The following OR6N1 variants were observed in gnomAD, a reference collection of about 807,000 sequenced individuals.
OR6N1 encodes the protein olfactory receptor family 6 subfamily N member 1, also known as olfactory receptor 6N1.
For missense variants in OR6N1, 394 were observed against 371.7 expected, an observed-to-expected ratio of 1.06 and a Z score of -0.49; for synonymous variants, 170 against 150.7, an observed-to-expected ratio of 1.13 and a Z score of -0.94.
At chr1:158,769,455 T>A (rs539178685) in intron 1 of OR6N1, among the ~76,000 whole-genome samples, 5 of 152,190 alleles carry the variant, frequency 3.3e-5, no homozygotes, top group African/African-American at 4.8e-5. Context: ...TAAGTCACCA[T>A]GCTTTGCCAG....
At chr1:158,838,581 A>G in the OR6N1 span, among the ~76,000 whole-genome samples, 1 of 152,092 alleles carries the variant, frequency 6.6e-6, no homozygotes, top group African/African-American at 2.4e-5. Flanking sequence ...TGAGTTTATC[A>G]TAGTTGCAGC....
chr1:158,790,436 T>C, the OR6N1 span, among the ~76,000 whole-genome samples: 1 of 148,930 alleles, frequency 6.7e-6, no homozygotes, highest in South Asian at 2.2e-4. Context: ...CATCTCGCTC[T>C]GTCACCCAGG....
chr1:158,796,773 T>C, the OR6N1 span, among the ~76,000 whole-genome samples: 2 of 152,318 alleles, frequency 1.3e-5, no homozygotes, highest in East Asian at 1.9e-4. Flanking sequence ...TGTTTGTGTA[T>C]GTACATTTGT....
At chr1:158,771,660 G>C (rs994129922) in intron 1 of OR6N1, among the ~76,000 whole-genome samples, 6 of 152,216 alleles carry the variant, frequency 3.9e-5, no homozygotes, top group African/African-American at 1.4e-4. Context: ...TAGGGCCAAA[G>C]ATCTGGGGGT....
chr1:158,826,916 G>C, the OR6N1 span, among the ~76,000 whole-genome samples: 2 of 152,148 alleles, frequency 1.3e-5, no homozygotes, highest in African/African-American at 4.8e-5. Context: ...TGAGGCTAGA[G>C]AAATAAAGAT....
At chr1:158,827,893 C>T in the OR6N1 span, among the ~76,000 whole-genome samples, 1 of 152,106 alleles carries the variant, frequency 6.6e-6, no homozygotes, top group Non-Finnish European at 1.5e-5. Flanking sequence ...CTTACAATTC[C>T]ACATGGCTGG....
chr1:158,810,840 T>C, the OR6N1 span, among the ~76,000 whole-genome samples: 42 of 152,324 alleles, frequency 2.8e-4, no homozygotes, highest in African/African-American at 6.7e-4. Context: ...TGTCCATTTT[T>C]TTTTACTAAT....
At chr1:158,826,443 G>A in the OR6N1 span, among the ~76,000 whole-genome samples, 2 of 152,092 alleles carry the variant, frequency 1.3e-5, no homozygotes, top group Admixed American at 6.5e-5. Context: ...CTGCATGCTC[G>A]ATTGTATTTA....
At chr1:158,827,300 A>AT in the OR6N1 span, among the ~76,000 whole-genome samples, 7 of 152,050 alleles carry the variant, frequency 4.6e-5, no homozygotes, top group East Asian at 3.9e-4. Context: ...AGCAAAGAAA[A>AT]TTTTTTTTAG....
the OR6N1 span, among the ~76,000 whole-genome samples, chr1:158,780,586 G>A: frequency 1.3e-5 from 2 of 152,268 alleles, no homozygotes; most frequent in African/African-American, 4.8e-5. Flanking sequence ...CCTTATATGT[G>A]CTCAGAGAAC....
At chr1:158,795,946 T>C in the OR6N1 span, 2 of 152,232 alleles carry the variant, frequency 1.3e-5, no homozygotes, top group African/African-American at 2.4e-5. Context: ...TACACACCAT[T>C]TTGTCTTTCT....
At chr1:158,775,690 G>A (rs1657574180), upstream of OR6N1, 1 of 152,040 alleles carries the variant, frequency 6.6e-6, no homozygotes, top group Admixed American at 6.6e-5. Context: ...TTACACCAGG[G>A]TAGAAACACT....
chr1:158,839,049 CTTT>C, the OR6N1 span, among the ~76,000 whole-genome samples: 5 of 152,076 alleles, frequency 3.3e-5, no homozygotes, highest in African/African-American at 1.2e-4. Context: ...CTGTTTTAGT[CTTT>C]GACAAGAAAG....
At chr1:158,834,101 T>C in the OR6N1 span, among the ~76,000 whole-genome samples, 2 of 152,196 alleles carry the variant, frequency 1.3e-5, no homozygotes, top group Admixed American at 6.5e-5. Context: ...TTAATTGTTA[T>C]ATCTCATTGT....
the OR6N1 span, among the ~76,000 whole-genome samples, chr1:158,823,691 T>A: frequency 6.6e-6 from 1 of 152,138 alleles, no homozygotes; most frequent in Non-Finnish European, 1.5e-5. Context: ...TTCATATGGT[T>A]TTTTGTGTAT....
At chr1:158,800,716 G>A in the OR6N1 span, among the ~76,000 whole-genome samples, 1 of 152,138 alleles carries the variant, frequency 6.6e-6, no homozygotes, top group Non-Finnish European at 1.5e-5. Flanking sequence ...CCTGCATTTG[G>A]AAAGAAAGCA....
the OR6N1 span, among the ~76,000 whole-genome samples, chr1:158,788,491 T>G: frequency 7.9e-5 from 12 of 152,244 alleles, no homozygotes; most frequent in Middle Eastern, 6.8e-3. Context: ...TTTTATATAT[T>G]AGATAGTATA....
At chr1:158,777,609 C>T in the OR6N1 span, 2 of 1,613,578 alleles carry the variant, frequency 1.2e-6, no homozygotes, top group Admixed American at 1.7e-5. Context: ...CAAATTCAGC[C>T]AGGCTTGAAT....
the OR6N1 span, among the ~76,000 whole-genome samples, chr1:158,787,741 C>T: frequency 6.6e-6 from 1 of 151,962 alleles, no homozygotes; most frequent in South Asian, 2.1e-4. Context: ...AGAATTCTCT[C>T]ATTTGACCTG....
Sources: gnomAD v4.1 joint callset for allele counts (sites outside exome capture counted in the v4.1 genomes callset) on GRCh38, gnomAD v4.1.1 for gene constraint, MANE v1.5 for transcripts, NCBI Gene and HGNC (gene_info 2026-07-23, HGNC 2026-07-21) for gene names.